Variants in SLC1A3 observed in about 807,000 individuals in gnomAD.
SLC1A3 encodes the protein excitatory amino acid transporter 1.
In SLC1A3, 21 loss-of-function variants were observed where a neutral mutation model predicts 48.1. The ratio of observed to expected loss-of-function variants is 0.44; its 90% CI spans 0.31 to 0.63. SLC1A3 has a LOEUF of 0.63. SLC1A3 is among the 20% of genes least tolerant of loss of function. SLC1A3 has a pLI of 0.08. For synonymous variants in SLC1A3, 239 were observed against 251.4 expected (o/e 0.95, Z 0.47); for missense variants, 546 against 689.0 (o/e 0.79, Z 2.32).
chr5:36,674,052 C>T lies in SLC1A3; in HGVS notation c.528C>T (p.Asn176=), dbSNP rs1320833920. 5 of 1,613,066 alleles carry T rather than the reference C, an allele frequency of 3.1e-6. No homozygotes were observed. The highest frequency in any genetic ancestry group is 4.5e-5 in the East Asian group (2 of 44,864). The change falls in exon 5 of 10, where the codon AAC becomes AAT. Residue 176 remains asparagine, a synonymous_variant. Coordinates refer to ENST00000265113, the MANE Select transcript of SLC1A3 (RefSeq NM_004172.5). ...GTGACTATTACTTTCTTTGCAGGAA[C>T]ATGTTCCCTCCAAATCTGGTAGAAG... The part of the protein sequence containing the change: ...AADAFLDLIR[N]MFPPNLVEAC...
upstream of SLC1A3, among the ~76,000 whole-genome samples, chr5:36,605,708 CA>C (rs766920882): frequency 8.6e-4 from 130 of 152,044 alleles, 3 homozygotes; most frequent in Non-Finnish European, 2.1e-4. Context: ...TAAGTCACCT[CA>C]AAAAAATTTT....
At chr5:36,634,504 G>T (rs564080641) in intron 3 of SLC1A3, among the ~76,000 whole-genome samples, 57 of 152,208 alleles carry the variant, frequency 3.7e-4, no homozygotes, top group Admixed American at 1.5e-3. Flanking sequence ...GCACTGATCT[G>T]GTGGTCCAGA....
chr5:36,683,129 C>T (rs1367544315), intron 8 of SLC1A3, among the ~76,000 whole-genome samples: 1 of 152,174 alleles, frequency 6.6e-6, no homozygotes, highest in Non-Finnish European at 1.5e-5. Context: ...CATGAATGTT[C>T]AGTAACTTTA....
At chr5:36,637,420 G>A (rs1270304560) in intron 3 of SLC1A3, among the ~76,000 whole-genome samples, 1 of 152,206 alleles carries the variant, frequency 6.6e-6, no homozygotes, top group East Asian at 1.9e-4. Flanking sequence ...GAAGGCTTGA[G>A]CCTGTGTGAG....
rs556345682 is a variant in SLC1A3 at position 36,633,737 on chromosome 5, A to G, written c.319+4150A>G. On this transcript the variant is annotated intron_variant, in intron 3 of 9. Coordinates refer to ENST00000265113, the MANE Select transcript of SLC1A3 (RefSeq NM_004172.5). Reference sequence around the variant, plus strand: ...TCAAATCTGATTTTCATGACACAGCATCTCCATCCTAAAGTCAACTAGCCC... The same window carrying G: ...TCAAATCTGATTTTCATGACACAGCGTCTCCATCCTAAAGTCAACTAGCCC... Among the ~76,000 whole-genome samples the G allele has an allele frequency of 3.2e-4, 49 of 152,350 alleles. 1 individual carries two copies. Among genetic ancestry groups the G allele is most frequent in the African/African-American group, 1.1e-3 (47 of 41,580 alleles).
At chr5:36,614,329 C>G (rs777616573) in intron 2 of SLC1A3, among the ~76,000 whole-genome samples, 1 of 152,078 alleles carries the variant, frequency 6.6e-6, no homozygotes, top group Non-Finnish European at 1.5e-5. Context: ...GCTATAAGAC[C>G]CTGGCATTTG....
intron 8 of SLC1A3, among the ~76,000 whole-genome samples, chr5:36,681,809 T>C (rs751281032): frequency 3.3e-5 from 5 of 152,168 alleles, no homozygotes; most frequent in Admixed American, 1.3e-4. Context: ...CTGCTCTTCA[T>C]TGTTGTGGGG....
intron 3 of SLC1A3, among the ~76,000 whole-genome samples, chr5:36,639,468 T>C (rs1740527065): frequency 6.6e-6 from 1 of 152,254 alleles, no homozygotes. Context: ...CAGATATGTC[T>C]TATCACTGAA....
chr5:36,685,385 T>C (rs1408058686), intron 9 of SLC1A3, among the ~76,000 whole-genome samples: 1 of 152,182 alleles, frequency 6.6e-6, no homozygotes, highest in Non-Finnish European at 1.5e-5. Context: ...CAAGTGATTC[T>C]CCTGCCTCAG....
At chr5:36,667,092 A>C (rs1741781250) in intron 3 of SLC1A3, among the ~76,000 whole-genome samples, 1 of 152,186 alleles carries the variant, frequency 6.6e-6, no homozygotes, top group Non-Finnish European at 1.5e-5. Context: ...TTGCTTGATA[A>C]GTGGTTATTT....
At position 36,628,400 on chromosome 5, in the gene SLC1A3, C is replaced by T. The variant is rs948667816; in HGVS notation, c.182-1050C>T. 1.6e-4 allele frequency among the ~76,000 whole-genome samples: 24 copies of T among 152,264 alleles called. 1 individual carries two copies. Among genetic ancestry groups the T allele is most frequent in the Admixed American group, 7.8e-4 (12 of 15,288 alleles). On this transcript the variant is annotated intron_variant, in intron 2 of 9. Coordinates refer to ENST00000265113, the MANE Select transcript of SLC1A3 (RefSeq NM_004172.5). ...GCTTGTGCCAACCCGGTATCATTCC[C>T]GCTTCTCCCCACCAACCCACCACCC...
chr5:36,650,998 C>T (rs990159217), intron 3 of SLC1A3, among the ~76,000 whole-genome samples: 1 of 151,984 alleles, frequency 6.6e-6, no homozygotes, highest in African/African-American at 2.4e-5. Context: ...TTCAAGTTAC[C>T]AAGATTTGCA....
At chr5:36,625,323 T>G (rs1739859585) in intron 2 of SLC1A3, among the ~76,000 whole-genome samples, 1 of 152,214 alleles carries the variant, frequency 6.6e-6, no homozygotes, top group Non-Finnish European at 1.5e-5. Context: ...CTGGGCCTGT[T>G]GGTTCATGCC....
chr5:36,617,523 T>C (rs6868250), intron 2 of SLC1A3, among the ~76,000 whole-genome samples: 122,913 of 150,588 alleles, frequency 0.82, 50,858 homozygotes, highest in African/African-American at 0.95. Flanking sequence ...GAAAGTATCT[T>C]ATTGACCCCT....
intron 7 of SLC1A3, 67 bp downstream of exon 7, chr5:36,679,927 G>A (rs891492479): frequency 1.0e-5 from 11 of 1,089,318 alleles, no homozygotes; most frequent in Non-Finnish European, 1.5e-5. Flanking sequence ...CAAGTAGGGT[G>A]TAGGAGAAGC....
intron 5 of SLC1A3, among the ~76,000 whole-genome samples, 175 bp from the exon 6 acceptor site, chr5:36,676,717 G>T (rs1426489931): frequency 6.6e-6 from 1 of 152,018 alleles, no homozygotes; most frequent in African/African-American, 2.4e-5. Flanking sequence ...TCTGTGTTGA[G>T]AAACTAGTAG....
upstream of SLC1A3, among the ~76,000 whole-genome samples, chr5:36,604,171 G>T (rs1400877936): frequency 6.6e-6 from 1 of 152,086 alleles, no homozygotes; most frequent in Non-Finnish European, 1.5e-5. Context: ...TTTTCAGCAG[G>T]AACAGCATTT....
At chr5:36,645,938 T>C (rs546469591) in intron 3 of SLC1A3, among the ~76,000 whole-genome samples, 1 of 152,366 alleles carries the variant, frequency 6.6e-6, no homozygotes, top group African/African-American at 2.4e-5. Flanking sequence ...TGCTCATTTT[T>C]ATTCTTGAAT....
intron 2 of SLC1A3, among the ~76,000 whole-genome samples, chr5:36,627,406 C>A (rs1385678069): frequency 6.6e-6 from 1 of 151,948 alleles, no homozygotes. Flanking sequence ...TTAAGCTACC[C>A]AGCCAACCCA....
Sources: gnomAD v4.1 joint callset for allele counts (sites outside exome capture counted in the v4.1 genomes callset) on GRCh38, gnomAD v4.1.1 for gene constraint, MANE v1.5 for transcripts, NCBI Gene and HGNC (gene_info 2026-07-23, HGNC 2026-07-21) for gene names.